YAP1: variants seen among roughly 807,000 people sequenced by gnomAD.
YAP1 encodes transcriptional coactivator YAP1.
Under a neutral mutation model 56.9 loss-of-function variants are expected in YAP1, and 5 were observed. That is an observed-to-expected ratio of 0.09 (90% CI 0.05 to 0.18). The LOEUF (loss-of-function observed/expected upper bound fraction) is 0.18. Among genes scored for constraint, YAP1 ranks in the 10% least tolerant of loss-of-function variants. The pLI is 1.00. For missense variants in YAP1, 539 were observed against 651.8 expected (o/e 0.83, Z 1.88); for synonymous variants, 265 against 248.1 (o/e 1.07, Z -0.64).
At chr11:102,126,831 A>T (rs1197974655) in intron 2 of YAP1, among the ~76,000 whole-genome samples, 2 of 152,248 alleles carry the variant, frequency 1.3e-5, no homozygotes, top group African/African-American at 4.8e-5. Context: ...TTTGACAAAA[A>T]TGCCGATAGT....
chr11:102,161,345 TACACACACACACAC>T lies in YAP1; in HGVS notation c.573-1082_573-1069del, dbSNP rs34552492. Among the ~76,000 whole-genome samples, 153 of 141,236 alleles carry T rather than the reference TACACACACACACAC, an allele frequency of 1.1e-3. 1 individual carries two copies. The highest frequency in any genetic ancestry group is 3.6e-3 in the African/African-American group (135 of 37,922). The allele number at this position is 141,236 out of a possible 152,430, so 92.7% of individuals were successfully genotyped here. A position where few individuals can be genotyped will look rare whatever the true frequency, so the allele number is the denominator to read the frequency against. On this transcript the variant is annotated intron_variant, in intron 2 of 8. Transcript: ENST00000282441. ...CCAGAGTCTTTCTGTGTACTTTCAC[TACACACACACACAC>T]ACACACACACACACACACACACACA...
intron 2 of YAP1, among the ~76,000 whole-genome samples, chr11:102,160,389 A>C (rs1487801781): frequency 2.0e-5 from 3 of 152,218 alleles, no homozygotes; most frequent in Non-Finnish European, 4.4e-5. Context: ...TAATACCGCC[A>C]TAACCAGTTT....
At position 102,110,782 on chromosome 11, in the gene YAP1, C is replaced by G. The variant is rs1418680821; in HGVS notation, c.-67C>G. 3 of 1,260,576 alleles carry G rather than the reference C, an allele frequency of 2.4e-6. No homozygotes were observed. The highest frequency in any genetic ancestry group is 2.0e-6 in the Non-Finnish European group (2 of 1,003,652). The allele number at this position is 1,260,576 out of a possible 1,614,324, so 78.1% of individuals were successfully genotyped here. A position where few individuals can be genotyped will look rare whatever the true frequency, so the allele number is the denominator to read the frequency against. On this transcript the variant is annotated 5_prime_UTR_variant, in exon 1 of 9. Coordinates refer to ENST00000282441, the MANE Select transcript of YAP1 (RefSeq NM_001130145.3). The stretch of plus-strand genomic sequence containing the variant: ...CGCTTCTCCACCTCGGCCCGTGGAG[C>G]CGGGGCGTCCGGGCGTAGCCCTCGC...
chr11:102,221,046 A>C (rs901938431), intron 6 of YAP1, among the ~76,000 whole-genome samples: 2 of 152,158 alleles, frequency 1.3e-5, no homozygotes, highest in Non-Finnish European at 2.9e-5. Context: ...GTTTGAGTGG[A>C]GTGGAGATGA....
At chr11:102,168,989 A>G (rs1238263277) in intron 3 of YAP1, among the ~76,000 whole-genome samples, 2 of 152,200 alleles carry the variant, frequency 1.3e-5, no homozygotes, top group Non-Finnish European at 2.9e-5. Flanking sequence ...CAGAAACTTT[A>G]AAGTTTTACT....
intron 2 of YAP1, among the ~76,000 whole-genome samples, chr11:102,160,936 A>G (rs1565215072): frequency 1.3e-5 from 2 of 150,634 alleles, no homozygotes; most frequent in South Asian, 2.1e-4. Context: ...ATAACCACCT[A>G]TTTAGCTTTT....
At chr11:102,229,225 G>GT (rs1442831990) in intron 8 of YAP1, among the ~76,000 whole-genome samples, 8 of 152,152 alleles carry the variant, frequency 5.3e-5, no homozygotes, top group African/African-American at 1.9e-4. Context: ...TGTTAGGAAG[G>GT]TGCATCTCCT....
chr11:102,149,688 A>C (rs1012876344), intron 2 of YAP1, among the ~76,000 whole-genome samples: 2 of 152,198 alleles, frequency 1.3e-5, no homozygotes, highest in African/African-American at 4.8e-5. Context: ...ATGGAAAAGT[A>C]GGAAGGATTT....
intron 6 of YAP1, among the ~76,000 whole-genome samples, chr11:102,217,736 G>T (rs1949729492): frequency 6.6e-6 from 1 of 151,958 alleles, no homozygotes; most frequent in Non-Finnish European, 1.5e-5. Flanking sequence ...TATTGCCCAG[G>T]TTGGAGTGCA....
intron 8 of YAP1, 144 bp from the exon 9 acceptor site, chr11:102,229,558 T>C (rs1950363190): frequency 1.5e-6 from 1 of 678,240 alleles, no homozygotes; most frequent in South Asian, 2.2e-5. Flanking sequence ...CTGTGAGTTG[T>C]TTGACCTGAT....
intron 4 of YAP1, among the ~76,000 whole-genome samples, chr11:102,199,634 A>C (rs545084136): frequency 1.3e-5 from 2 of 152,326 alleles, no homozygotes; most frequent in South Asian, 4.1e-4. Flanking sequence ...CAAAATATTA[A>C]AACAAGATAA....
intron 2 of YAP1, among the ~76,000 whole-genome samples, chr11:102,126,313 G>A (rs1360365617): frequency 6.6e-6 from 1 of 152,084 alleles, no homozygotes; most frequent in Non-Finnish European, 1.5e-5. Flanking sequence ...CCTTGATATG[G>A]TTTGGCTGTG....
At position 102,155,817 on chromosome 11, in the gene YAP1, T is replaced by C. The variant is rs567493348; in HGVS notation, c.573-6639T>C. Among the ~76,000 whole-genome samples the C allele has an allele frequency of 3.3e-5, 5 of 152,358 alleles. No individual in the cohort carries two copies. The South Asian group carries it at 1.0e-3, about 32-fold the overall frequency. ...TATACAGTGAATGTGGTTCCAGATT[T>C]GTAACTAGATTCCCTCACTGTAGTC... On this transcript the variant is annotated intron_variant, in intron 2 of 8. Coordinates refer to ENST00000282441, the MANE Select transcript of YAP1 (RefSeq NM_001130145.3).
intron 2 of YAP1, among the ~76,000 whole-genome samples, chr11:102,132,850 A>C (rs774706471): frequency 4.6e-5 from 7 of 152,198 alleles, no homozygotes; most frequent in Non-Finnish European, 1.5e-5. Context: ...ACAATTTTTT[A>C]CTTTTTTTAT....
intron 3 of YAP1, among the ~76,000 whole-genome samples, chr11:102,163,524 C>T (rs748362126): frequency 5.3e-5 from 8 of 152,140 alleles, no homozygotes; most frequent in Non-Finnish European, 8.8e-5. Context: ...CTGACCACTC[C>T]CCTGGCCCCC....
chr11:102,124,022 G>T (rs1943872125), intron 2 of YAP1, among the ~76,000 whole-genome samples: 1 of 151,386 alleles, frequency 6.6e-6, no homozygotes. Flanking sequence ...TGTGATCTCG[G>T]CTCATCGCAA....
Position 102,144,523 on chromosome 11 carries a change from G to T in YAP1, c.573-17933G>T, listed in dbSNP as rs1945206479. On this transcript the variant is annotated intron_variant, in intron 2 of 8. Coordinates refer to ENST00000282441, the MANE Select transcript of YAP1 (RefSeq NM_001130145.3). ...CTTCTGCTTTCAGGAATTCAGCCTAGTATTTCAAATGAGAGCTCATGTATT... is the reference window on the plus strand; with the variant it reads ...CTTCTGCTTTCAGGAATTCAGCCTATTATTTCAAATGAGAGCTCATGTATT... Among the ~76,000 whole-genome samples, 3 of 152,130 alleles carry T rather than the reference G, an allele frequency of 2.0e-5. No individual in the cohort carries two copies. The East Asian group carries it at 5.8e-4, about 29-fold the overall frequency.
At chr11:102,134,833 T>TG (rs1321895116) in intron 2 of YAP1, among the ~76,000 whole-genome samples, 2 of 152,152 alleles carry the variant, frequency 1.3e-5, no homozygotes, top group African/African-American at 4.8e-5. Flanking sequence ...CTCAGCCTCC[T>TG]GAGTAGCTGG....
intron 3 of YAP1, among the ~76,000 whole-genome samples, chr11:102,163,280 A>G (rs1274540132): frequency 2.6e-5 from 4 of 152,224 alleles, no homozygotes; most frequent in African/African-American, 9.7e-5. Context: ...ATGAAAGGAA[A>G]TAATACAATT....
Sources: gnomAD v4.1 joint callset for allele counts (sites outside exome capture counted in the v4.1 genomes callset) on GRCh38, gnomAD v4.1.1 for gene constraint, MANE v1.5 for transcripts, NCBI Gene and HGNC (gene_info 2026-07-23, HGNC 2026-07-21) for gene names.